The following FRMD6 variants were observed in gnomAD, a reference collection of about 807,000 sequenced individuals.
The protein encoded by FRMD6 is FERM domain-containing protein 6.
Under a neutral mutation model 73.2 loss-of-function variants are expected in FRMD6, and 37 were observed. The observed-to-expected ratio is 0.51, with a 90% CI of 0.39 to 0.66. The LOEUF (loss-of-function observed/expected upper bound fraction) is 0.66. Ranked by LOEUF, FRMD6 falls within the 30% of genes least tolerant of loss-of-function variation. FRMD6 has a pLI of 0.00. For missense variants in FRMD6, 714 were observed against 780.5 expected, an observed-to-expected ratio of 0.91 and a Z score of 1.02; for synonymous variants, 273 against 282.2, an observed-to-expected ratio of 0.97 and a Z score of 0.33.
intron 2 of FRMD6, among the ~76,000 whole-genome samples, chr14:51,611,031 C>T (rs1401981677): frequency 3.3e-5 from 5 of 152,174 alleles, no homozygotes; most frequent in Non-Finnish European, 5.9e-5. Flanking sequence ...AGAACAAATA[C>T]AATTATTGAG....
the FRMD6 span, among the ~76,000 whole-genome samples, chr14:51,415,042 A>G: frequency 2.6e-5 from 4 of 152,172 alleles, no homozygotes; most frequent in Non-Finnish European, 4.4e-5. Flanking sequence ...CAGCTTAAGG[A>G]GATTTTGGGC....
At chr14:51,682,494 A>C (rs1894869237) in intron 1 of FRMD6, among the ~76,000 whole-genome samples, 1 of 152,088 alleles carries the variant, frequency 6.6e-6, no homozygotes, top group South Asian at 2.1e-4. Context: ...GAGAGGACTT[A>C]CTCTGTTGCA....
At chr14:51,609,596 G>A (rs143968700) in intron 2 of FRMD6, among the ~76,000 whole-genome samples, 1 of 152,314 alleles carries the variant, frequency 6.6e-6, no homozygotes, top group African/African-American at 2.4e-5. Context: ...AGAGAGAAAG[G>A]CATGCGTTCA....
chr14:51,514,226 A>C (rs1022403475), intron 1 of FRMD6, among the ~76,000 whole-genome samples: 2 of 152,176 alleles, frequency 1.3e-5, no homozygotes, highest in African/African-American at 2.4e-5. Context: ...GATAGTTCTC[A>C]AAGTTCTCTC....
the FRMD6 span, among the ~76,000 whole-genome samples, chr14:51,399,430 A>G: frequency 6.6e-6 from 1 of 152,236 alleles, no homozygotes; most frequent in African/African-American, 2.4e-5. Context: ...CGGTAGATAC[A>G]TGAGTGCCTA....
chr14:51,417,540 T>C, the FRMD6 span, among the ~76,000 whole-genome samples: 1 of 152,258 alleles, frequency 6.6e-6, no homozygotes, highest in Non-Finnish European at 1.5e-5. Context: ...CTGATGGGCT[T>C]CCCTTTGTGG....
chr14:51,431,118 G>A, the FRMD6 span, among the ~76,000 whole-genome samples: 1 of 152,128 alleles, frequency 6.6e-6, no homozygotes, highest in Non-Finnish European at 1.5e-5. Context: ...ATGCCTTAAT[G>A]GGCAGTGAGC....
chr14:51,599,176 T>C (rs1889894434), intron 2 of FRMD6, among the ~76,000 whole-genome samples: 1 of 151,700 alleles, frequency 6.6e-6, no homozygotes, highest in Non-Finnish European at 1.5e-5. Flanking sequence ...GCATTTTTTC[T>C]ATGTTTGTTG....
At chr14:51,594,335 TTTA>T (rs1555325509) in intron 2 of FRMD6, among the ~76,000 whole-genome samples, 45 of 150,524 alleles carry the variant, frequency 3.0e-4, no homozygotes, top group East Asian at 2.5e-3. Flanking sequence ...TATTTATTTA[TTTA>T]TTTTTTTGAG....
intron 1 of FRMD6, among the ~76,000 whole-genome samples, chr14:51,521,198 A>G (rs1023594600): frequency 2.0e-5 from 3 of 152,212 alleles, no homozygotes; most frequent in Non-Finnish European, 2.9e-5. Flanking sequence ...ACAGACGTAT[A>G]CATTTGGTGA....
At chr14:51,612,956 G>A (rs1460807514) in intron 2 of FRMD6, among the ~76,000 whole-genome samples, 1 of 152,160 alleles carries the variant, frequency 6.6e-6, no homozygotes, top group East Asian at 1.9e-4. Flanking sequence ...GGGTTTGAAA[G>A]CAAAGGGGAG....
chr14:51,608,029 A>T (rs1890334604), intron 2 of FRMD6, among the ~76,000 whole-genome samples: 1 of 143,166 alleles, frequency 7.0e-6, no homozygotes, highest in African/African-American at 2.5e-5. Flanking sequence ...ATCCAGTAAC[A>T]CAAAACAGAA....
intron 13 of FRMD6, 34 bp downstream of exon 13, chr14:51,725,904 A>G: frequency 6.6e-7 from 1 of 1,503,844 alleles, no homozygotes; most frequent in Non-Finnish European, 9.2e-7. Flanking sequence ...CAGTTAGGAA[A>G]CTGAAGTTAT....
At chr14:51,708,633 C>T (rs867075621) in intron 7 of FRMD6, among the ~76,000 whole-genome samples, 3 of 151,974 alleles carry the variant, frequency 2.0e-5, no homozygotes, top group African/African-American at 4.8e-5. Flanking sequence ...GCGTTGTATC[C>T]GTCAGTTACA....
At chr14:51,678,177 A>C (rs985082540) in intron 1 of FRMD6, among the ~76,000 whole-genome samples, 2 of 152,138 alleles carry the variant, frequency 1.3e-5, no homozygotes, top group East Asian at 3.9e-4. Context: ...TGAGATAGAG[A>C]GGTGAAGAGA....
intron 1 of FRMD6, among the ~76,000 whole-genome samples, chr14:51,489,879 C>T (rs1397557215): frequency 1.3e-5 from 2 of 152,144 alleles, no homozygotes; most frequent in East Asian, 1.9e-4. Context: ...CCAACAATGA[C>T]TTCTTGTAAG....
chr14:51,597,492 T>C (rs1889783589), intron 2 of FRMD6, among the ~76,000 whole-genome samples: 1 of 152,114 alleles, frequency 6.6e-6, no homozygotes, highest in South Asian at 2.1e-4. Flanking sequence ...AGGCCTAAGA[T>C]GGAGACCTAG....
chr14:51,509,119 G>A (rs1170002397), intron 1 of FRMD6, among the ~76,000 whole-genome samples: 1 of 152,148 alleles, frequency 6.6e-6, no homozygotes, highest in East Asian at 1.9e-4. Context: ...TTGCCCTGAG[G>A]GGTGGTTTAC....
the FRMD6 span, among the ~76,000 whole-genome samples, chr14:51,461,451 TC>T: frequency 5.9e-5 from 9 of 152,152 alleles, no homozygotes; most frequent in African/African-American, 2.2e-4. Context: ...GTGTTCCTAT[TC>T]CCAATAACAG....
Sources: allele counts gnomAD v4.1 joint callset (sites outside exome capture counted in the v4.1 genomes callset), GRCh38; gene constraint gnomAD v4.1.1; transcripts MANE v1.5; gene names NCBI Gene and HGNC (gene_info 2026-07-23, HGNC 2026-07-21).